RYR3: variants seen among roughly 807,000 people sequenced by gnomAD.
RYR3 encodes ryanodine receptor 3.
Under a neutral mutation model 584.3 loss-of-function variants are expected in RYR3, and 207 were observed. That is an observed-to-expected ratio of 0.35 (90% CI 0.32 to 0.40). The LOEUF (loss-of-function observed/expected upper bound fraction) is 0.40, where lower values mean the gene tolerates loss of function less well. Among genes scored for constraint, RYR3 ranks in the 10% least tolerant of loss-of-function variants. RYR3 has a pLI of 1.00. For missense variants in RYR3, 5,616 were observed against 6,089.2 expected (o/e 0.92, Z 2.59); for synonymous variants, 2,416 against 2,248.5 (o/e 1.07, Z -2.11).
intron 9 of RYR3, among the ~76,000 whole-genome samples, chr15:33,549,240 G>C (rs2056488014): frequency 6.6e-6 from 1 of 152,058 alleles, no homozygotes; most frequent in Non-Finnish European, 1.5e-5. Context: ...TTGCTTAATG[G>C]ACTTTTTAAG....
chr15:33,521,493 A>C (rs2053980858), intron 3 of RYR3, among the ~76,000 whole-genome samples: 1 of 152,158 alleles, frequency 6.6e-6, no homozygotes, highest in Admixed American at 6.5e-5. Flanking sequence ...AAACCATGGG[A>C]ATGGTAAATT....
At chr15:33,471,595 A>T (rs1469138657) in intron 1 of RYR3, among the ~76,000 whole-genome samples, 7 of 12,296 alleles carry the variant, frequency 5.7e-4, no homozygotes, top group African/African-American at 1.3e-3. Context: ...ATGCCTTTGT[A>T]AAAAAAAAAA....
At chr15:33,339,404 C>T (rs1246842286) in intron 1 of RYR3, among the ~76,000 whole-genome samples, 8 of 152,178 alleles carry the variant, frequency 5.3e-5, no homozygotes, top group Admixed American at 5.2e-4. Context: ...AAGTTTAGTC[C>T]AGGCAAGAGA....
Position 33,465,276 on chromosome 15 carries a change from T to A in RYR3, c.52-8143T>A, listed in dbSNP as rs115349132. Among the ~76,000 whole-genome samples, 311 of 152,322 alleles carry A rather than the reference T, an allele frequency of 2.0e-3. 1 individual carries two copies. The highest frequency in any genetic ancestry group is 7.4e-3 in the African/African-American group (307 of 41,574). On this transcript the variant is annotated intron_variant, in intron 1 of 103. Transcript: ENST00000634891. Reference sequence around the variant, plus strand: ...ATATATACACATATCTGTATATCTATATCTATCGATAGATATCTATATCTA... The same window carrying A: ...ATATATACACATATCTGTATATCTAAATCTATCGATAGATATCTATATCTA...
chr15:33,680,392 A>G (rs910005218), intron 38 of RYR3, among the ~76,000 whole-genome samples: 6 of 152,232 alleles, frequency 3.9e-5, no homozygotes, highest in African/African-American at 1.4e-4. Flanking sequence ...GAGCCAGCCA[A>G]GGACTGAGTT....
At chr15:33,658,980 A>T (rs1006932653) in intron 32 of RYR3, among the ~76,000 whole-genome samples, 8 of 152,314 alleles carry the variant, frequency 5.3e-5, no homozygotes, top group Middle Eastern at 3.4e-3. Context: ...TATTCCAGTG[A>T]GGGACCTCAC....
At chr15:33,409,671 G>A (rs2043270718) in intron 1 of RYR3, among the ~76,000 whole-genome samples, 1 of 152,204 alleles carries the variant, frequency 6.6e-6, no homozygotes, top group Non-Finnish European at 1.5e-5. Flanking sequence ...TGGAGTGGGA[G>A]GGTCAATCTG....
Position 33,859,645 on chromosome 15 carries a change from C to G in RYR3, c.14213C>G (p.Ala4738Gly), listed in dbSNP as rs2080121644. ...GGIGDEIEDP[A>G]GDPYEMYRIV... ...ATTGGTGATGAAATTGAAGACCCTG[C>G]TGGTGATCCTTATGAAATGTATCGC... is the stretch of plus-strand genomic sequence containing the variant. The change falls in exon 100 of 104, where the codon GCT (alanine) becomes GGT (glycine). Residue 4738 changes from alanine (A) to glycine (G), a missense_variant. Physicochemically the swap from Ala to Gly is moderately conservative, Grantham distance 60 (BLOSUM62 0). Coordinates refer to ENST00000634891, the MANE Select transcript of RYR3 (RefSeq NM_001036.6). The G allele has an allele frequency of 6.2e-7, 1 of 1,613,986 alleles. No individual in the cohort carries two copies. The highest frequency in any genetic ancestry group is 1.3e-5 in the African/African-American group (1 of 75,054).
chr15:33,617,997 G>A (rs970925983), intron 19 of RYR3, among the ~76,000 whole-genome samples: 1 of 152,116 alleles, frequency 6.6e-6, no homozygotes, highest in Admixed American at 6.5e-5. Context: ...AATAGAATTT[G>A]GGATGAGGTA....
chr15:33,789,624 TTATATATATATATATA>T (rs1567174689), intron 67 of RYR3, among the ~76,000 whole-genome samples: 10 of 11,694 alleles, frequency 8.6e-4, no homozygotes, highest in African/African-American at 1.3e-3. Flanking sequence ...AGGTTTTATT[TTATATATATATATATA>T]TATATATATA....
At position 33,652,871 on chromosome 15, in the gene RYR3, C is replaced by G. The variant is rs61749016; in HGVS notation, c.4296C>G (p.Gly1432=). ...TCTCAGCCAATGGAAAGGAACTGGG[C>G]ACCTGCTACCAGGTAAGGGCGGCTT... is the stretch of plus-strand genomic sequence containing the variant. The part of the protein sequence containing the change: ...LSFSANGKEL[G]TCYQVEPNTK... Residue 1432 remains glycine (G), a synonymous_variant, in exon 32 of 104, where the codon GGC becomes GGG. Transcript: ENST00000634891. 2 of 1,610,364 alleles carry G rather than the reference C, an allele frequency of 1.2e-6. No individual in the cohort carries two copies. Among genetic ancestry groups the G allele is most frequent in the South Asian group, 1.1e-5 (1 of 90,656 alleles).
At chr15:33,353,986 T>TG (rs987171448) in intron 1 of RYR3, among the ~76,000 whole-genome samples, 3 of 152,154 alleles carry the variant, frequency 2.0e-5, no homozygotes, top group African/African-American at 7.2e-5. Context: ...GATTGGACAT[T>TG]GATTTATCTG....
intron 67 of RYR3, among the ~76,000 whole-genome samples, chr15:33,792,147 C>T (rs542664987): frequency 6.6e-6 from 1 of 152,162 alleles, no homozygotes; most frequent in South Asian, 2.1e-4. Flanking sequence ...GAGATATGTG[C>T]TAAAAGCATG....
chr15:33,785,461 C>T (rs551876173), intron 65 of RYR3, among the ~76,000 whole-genome samples: 1 of 152,268 alleles, frequency 6.6e-6, no homozygotes, highest in South Asian at 2.1e-4. Flanking sequence ...AACACGACAT[C>T]TAGGAAGATA....
intron 18 of RYR3, among the ~76,000 whole-genome samples, chr15:33,608,889 C>T (rs1045145030): frequency 3.9e-5 from 6 of 152,144 alleles, no homozygotes; most frequent in East Asian, 1.9e-4. Context: ...ATAAGCCAGA[C>T]GGGGGAAATT....
At chr15:33,651,045 C>G (rs936951771) in intron 31 of RYR3, among the ~76,000 whole-genome samples, 1 of 152,204 alleles carries the variant, frequency 6.6e-6, no homozygotes, top group Non-Finnish European at 1.5e-5. Flanking sequence ...TTTGCTGGCT[C>G]TACCATACAA....
intron 55 of RYR3, among the ~76,000 whole-genome samples, chr15:33,748,754 T>G (rs1393702349): frequency 6.6e-6 from 1 of 152,128 alleles, no homozygotes; most frequent in Non-Finnish European, 1.5e-5. Context: ...TCATGATGGA[T>G]GCTGACTCAG....
At chr15:33,562,623 G>A (rs2057469229) in intron 10 of RYR3, among the ~76,000 whole-genome samples, 2 of 152,136 alleles carry the variant, frequency 1.3e-5, no homozygotes, top group South Asian at 4.2e-4. Flanking sequence ...AATAATCACT[G>A]AAGTAACCAG....
chr15:33,810,748 G>A, intron 71 of RYR3, 99 bp downstream of exon 71: 1 of 1,459,432 alleles, frequency 6.9e-7, no homozygotes, highest in South Asian at 1.3e-5. Context: ...TGGGGGGCGG[G>A]GAGCAGATGC....
Sources: allele counts gnomAD v4.1 joint callset (sites outside exome capture counted in the v4.1 genomes callset), GRCh38; gene constraint gnomAD v4.1.1; transcripts MANE v1.5; gene names NCBI Gene and HGNC (gene_info 2026-07-23, HGNC 2026-07-21).